The following DLGAP1 variants were observed in gnomAD, a reference collection of about 807,000 sequenced individuals.
DLGAP1 encodes the protein DLG associated protein 1, also known as disks large-associated protein 1.
DLGAP1 carries 11 observed loss-of-function variants against 90.8 expected under a neutral mutation model. That is an observed-to-expected ratio of 0.12 (90% CI 0.08 to 0.20). The LOEUF is 0.20. Ranked by LOEUF, DLGAP1 falls within the 10% of genes least tolerant of loss-of-function variation. The probability of loss-of-function intolerance (pLI) is 1.00; values close to 1 mark genes in which losing one functional copy is unlikely to be tolerated. For synonymous variants in DLGAP1, 558 were observed against 540.7 expected (o/e 1.03, Z -0.44); for missense variants, 1,050 against 1,333.8 (o/e 0.79, Z 3.31).
chr18:4,315,912 T>C lies in DLGAP1; in HGVS notation c.-267+139094A>G, dbSNP rs569940147. Among the ~76,000 whole-genome samples, 7 of 152,208 alleles carry C rather than the reference T, an allele frequency of 4.6e-5. No individual in the cohort carries two copies. In the East Asian group the frequency reaches 9.7e-4, roughly 21 times the overall value. ...AATGGCTGAACTGATGGTTTTCCCA[T>C]GAGATGGCCTAAGGAGTTCATAGGA... is the stretch of plus-strand genomic sequence containing the variant. On this transcript the variant is annotated intron_variant, in intron 1 of 12. Transcript: ENST00000315677.
chr18:3,992,578 T>C (rs2073990927), intron 3 of DLGAP1, among the ~76,000 whole-genome samples: 1 of 152,112 alleles, frequency 6.6e-6, no homozygotes, highest in Non-Finnish European at 1.5e-5. Flanking sequence ...ACTGGGAGGC[T>C]AAGGCGGGAG....
chr18:4,385,353 G>A (rs1324611418), intron 1 of DLGAP1, among the ~76,000 whole-genome samples: 1 of 152,120 alleles, frequency 6.6e-6, no homozygotes, highest in African/African-American at 2.4e-5. Context: ...TGTATGTTCA[G>A]GAAAAGTTAG....
chr18:3,920,508 C>T (rs1282132574), intron 3 of DLGAP1, among the ~76,000 whole-genome samples: 2 of 152,072 alleles, frequency 1.3e-5, no homozygotes, highest in African/African-American at 4.8e-5. Context: ...TCAGTTTATG[C>T]CCCACTTTTT....
At chr18:3,561,436 C>CAAA (rs68086553) in intron 9 of DLGAP1, among the ~76,000 whole-genome samples, 8 of 76,344 alleles carry the variant, frequency 1.0e-4, no homozygotes, top group South Asian at 4.4e-4. Flanking sequence ...ACTCCATCTC[C>CAAA]AAAAAAAAAA....
chr18:3,887,960 T>C (rs1024846006), intron 3 of DLGAP1, among the ~76,000 whole-genome samples: 3 of 151,328 alleles, frequency 2.0e-5, no homozygotes, highest in Non-Finnish European at 2.9e-5. Flanking sequence ...TACAAAAAAT[T>C]AGCCAGGCGT....
intron 1 of DLGAP1, among the ~76,000 whole-genome samples, chr18:4,194,967 TATACA>T (rs1376310061): frequency 1.3e-5 from 2 of 152,196 alleles, no homozygotes; most frequent in African/African-American, 4.8e-5. Flanking sequence ...TACTTTGAAA[TATACA>T]ATACATTATT....
intron 1 of DLGAP1, among the ~76,000 whole-genome samples, chr18:4,238,140 G>C (rs1215665197): frequency 6.6e-6 from 1 of 152,076 alleles, no homozygotes; most frequent in African/African-American, 2.4e-5. Flanking sequence ...TGCTCAATTT[G>C]TATTTCTATT....
At chr18:3,765,117 C>CTTTTTTTTTTTTTTTTTTT (rs921982904) in intron 5 of DLGAP1, among the ~76,000 whole-genome samples, 5 of 126,414 alleles carry the variant, frequency 4.0e-5, no homozygotes, top group African/African-American at 6.0e-5. Flanking sequence ...CACTTGCAAA[C>CTTTTTTTTTTTTTTTTTTT]TTTTTTTTTT....
At chr18:3,716,852 G>C (rs2061778709) in intron 7 of DLGAP1, among the ~76,000 whole-genome samples, 1 of 151,770 alleles carries the variant, frequency 6.6e-6, no homozygotes, top group African/African-American at 2.4e-5. Context: ...TTTGTGGCTG[G>C]GTGCAGTAGC....
At chr18:3,577,317 T>C (rs1420356833) in intron 8 of DLGAP1, among the ~76,000 whole-genome samples, 1 of 152,214 alleles carries the variant, frequency 6.6e-6, no homozygotes, top group Non-Finnish European at 1.5e-5. Flanking sequence ...TTCCTTCTTG[T>C]TCCTTTTATT....
Position 3,505,490 on chromosome 18 carries a change from T to C in DLGAP1, c.2572-2845A>G, listed in dbSNP as rs551151060. Among the ~76,000 whole-genome samples, 5 of 150,926 alleles carry C rather than the reference T, an allele frequency of 3.3e-5. No individual in the cohort carries two copies. In the East Asian group the frequency reaches 9.7e-4, roughly 29 times the overall value. Reference sequence around the variant, plus strand: ...TGTCTCTACTAAAAAGATAAAAAATTAGCTGGGTGTCGTGGTGGGCGCCTA... The same window carrying C: ...TGTCTCTACTAAAAAGATAAAAAATCAGCTGGGTGTCGTGGTGGGCGCCTA... On this transcript the variant is annotated intron_variant, in intron 11 of 12. Coordinates refer to ENST00000315677, the MANE Select transcript of DLGAP1 (RefSeq NM_004746.4).
intron 3 of DLGAP1, among the ~76,000 whole-genome samples, chr18:3,919,646 C>A (rs1424417548): frequency 6.6e-6 from 1 of 152,192 alleles, no homozygotes; most frequent in African/African-American, 2.4e-5. Context: ...GTTGTAATAG[C>A]TACAAGTGAT....
chr18:4,362,089 T>C (rs2081642435), intron 1 of DLGAP1, among the ~76,000 whole-genome samples: 1 of 152,082 alleles, frequency 6.6e-6, no homozygotes, highest in Non-Finnish European at 1.5e-5. Flanking sequence ...ATAACAAGTG[T>C]TGGTGAGGAT....
chr18:3,766,732 A>G (rs577897957), intron 5 of DLGAP1, among the ~76,000 whole-genome samples: 1 of 152,308 alleles, frequency 6.6e-6, no homozygotes, highest in African/African-American at 2.4e-5. Context: ...CCATAGATAA[A>G]AGAGGAAATC....
chr18:3,690,103 T>G (rs1417069346), intron 7 of DLGAP1, among the ~76,000 whole-genome samples: 1 of 105,084 alleles, frequency 9.5e-6, no homozygotes, highest in Non-Finnish European at 2.0e-5. Flanking sequence ...GGTTTTTTTT[T>G]TTTTTTTTTT....
At chr18:3,851,852 G>T (rs962970221) in intron 4 of DLGAP1, among the ~76,000 whole-genome samples, 2 of 152,128 alleles carry the variant, frequency 1.3e-5, no homozygotes, top group Non-Finnish European at 2.9e-5. Context: ...AAGCAGAGTT[G>T]TAAGAACTCA....
At chr18:3,819,842 A>G (rs949965247) in intron 4 of DLGAP1, among the ~76,000 whole-genome samples, 5 of 152,234 alleles carry the variant, frequency 3.3e-5, no homozygotes, top group South Asian at 2.1e-4. Flanking sequence ...TACAAAGCAC[A>G]TATTTTAGAT....
At chr18:4,043,509 T>C (rs925296786) in intron 2 of DLGAP1, among the ~76,000 whole-genome samples, 1 of 152,234 alleles carries the variant, frequency 6.6e-6, no homozygotes, top group Non-Finnish European at 1.5e-5. Context: ...GTATGGAAGA[T>C]TTCAAAAGGA....
chr18:3,889,728 A>G (rs1400603355), intron 3 of DLGAP1, among the ~76,000 whole-genome samples: 1 of 152,162 alleles, frequency 6.6e-6, no homozygotes, highest in Non-Finnish European at 1.5e-5. Context: ...TGAGCTAATG[A>G]GATGCTCACT....
Sources: gnomAD v4.1 joint callset for allele counts (sites outside exome capture counted in the v4.1 genomes callset) on GRCh38, gnomAD v4.1.1 for gene constraint, MANE v1.5 for transcripts, NCBI Gene and HGNC (gene_info 2026-07-23, HGNC 2026-07-21) for gene names.